The following TOPBP1 variants were observed in gnomAD, a reference collection of about 807,000 sequenced individuals.
The protein encoded by TOPBP1 is DNA topoisomerase 2-binding protein 1.
TOPBP1 carries 28 observed loss-of-function variants against 167.7 expected under a neutral mutation model. That is an observed-to-expected ratio of 0.17 (90% CI 0.12 to 0.23). The LOEUF (loss-of-function observed/expected upper bound fraction) is 0.23. Among genes scored for constraint, TOPBP1 ranks in the 10% least tolerant of loss-of-function variants. TOPBP1 has a pLI of 1.00. For synonymous variants in TOPBP1, 598 were observed against 611.4 expected (o/e 0.98, Z 0.32); for missense variants, 1,554 against 1,809.6 (o/e 0.86, Z 2.56).
At position 133,635,999 on chromosome 3, in the gene TOPBP1, TA is replaced by T. The variant is rs952210828; in HGVS notation, c.2520+1876del. 7.0e-4 allele frequency among the ~76,000 whole-genome samples: 102 copies of T among 145,288 alleles called. 1 individual carries two copies. Among genetic ancestry groups the T allele is most frequent in the Middle Eastern group, 3.4e-3 (1 of 290 alleles). On this transcript the variant is annotated intron_variant, in intron 14 of 27. Transcript: ENST00000260810. ...AATCTAAATAAGGGTTAAAGAACAA[TA>T]AAAAAAAAACAGACTCAAAAGAATA...
chr3:133,608,517 G>A lies in TOPBP1; in HGVS notation c.4425+18C>T. On this transcript the variant is annotated intron_variant, in intron 27 of 27. Coordinates refer to ENST00000260810, the MANE Select transcript of TOPBP1 (RefSeq NM_007027.4). ...GTATCTCTGGTAATGAGGAGGTCAAGGATAGAATCTCACAAACCTGCATGA... is the reference window on the plus strand; with the variant it reads ...GTATCTCTGGTAATGAGGAGGTCAAAGATAGAATCTCACAAACCTGCATGA... The A allele has an allele frequency of 6.2e-7, 1 of 1,612,538 alleles. No individual in the cohort carries two copies. The highest frequency in any genetic ancestry group is 8.5e-7 in the Non-Finnish European group (1 of 1,179,244).
chr3:133,643,393 A>T (rs752050055), intron 11 of TOPBP1, 21 bp from the exon 12 acceptor site: 2 of 1,544,056 alleles, frequency 1.3e-6, no homozygotes, highest in Non-Finnish European at 8.7e-7. Flanking sequence ...CAAAAGAAAT[A>T]GTAAAGCCAA....
In TOPBP1 at chr3:133,617,301, A is replaced by G; in HGVS notation, c.3618T>C (p.Arg1206=). The change falls in exon 22 of 28, where the codon CGT becomes CGC. Residue 1206 remains arginine, a synonymous_variant. Transcript: ENST00000260810. The part of the protein sequence containing the change: ...KQAVCDPGNI[R]VTEAPKHPIS... ...TTGGGTGTTTGGGAGCTTCAGTCAC[A>G]CGTATGTTTCCAGGATCACAGACAG... 1 of 1,612,356 alleles carries G rather than the reference A, an allele frequency of 6.2e-7. No homozygotes were observed. The highest frequency in any genetic ancestry group is 1.1e-5 in the South Asian group (1 of 90,914).
intron 1 of TOPBP1, 96 bp from the exon 2 acceptor site, chr3:133,661,230 C>A: frequency 1.2e-6 from 1 of 857,392 alleles, no homozygotes; most frequent in South Asian, 2.2e-5. Flanking sequence ...ACAAGAATGC[C>A]TAAAGACAGA....
intron 21 of TOPBP1, 143 bp downstream of exon 21, chr3:133,618,070 G>T: frequency 2.9e-6 from 2 of 679,684 alleles, no homozygotes; most frequent in Non-Finnish European, 4.9e-6. Context: ...TCTGGCTCAA[G>T]TTTAAACCAA....
At chr3:133,626,210 A>G (rs1292193163) in intron 16 of TOPBP1, among the ~76,000 whole-genome samples, 1 of 152,246 alleles carries the variant, frequency 6.6e-6, no homozygotes, top group African/African-American at 2.4e-5. Flanking sequence ...CTGTATTCCA[A>G]TAAAACTTTA....
intron 27 of TOPBP1, among the ~76,000 whole-genome samples, chr3:133,605,310 C>G (rs1934453118): frequency 6.7e-6 from 1 of 149,264 alleles, no homozygotes; most frequent in Non-Finnish European, 1.5e-5. Flanking sequence ...GTTTGTGATG[C>G]CAGCAAAACG....
intron 12 of TOPBP1, among the ~76,000 whole-genome samples, chr3:133,640,879 A>AT (rs1935870614): frequency 6.6e-6 from 1 of 152,160 alleles, no homozygotes; most frequent in African/African-American, 2.4e-5. Flanking sequence ...TCCTCTCAAT[A>AT]TTTAAGTATA....
rs567553436 is a variant in TOPBP1 at position 133,603,767 on chromosome 3, G to C, written c.4426-2374C>G. On this transcript the variant is annotated intron_variant, in intron 27 of 27. Transcript: ENST00000260810. ...GCTGGAGATTTTAGTATCAGTAATT[G>C]ATATAACTAAACAAACAAAAAAACC... is the stretch of plus-strand genomic sequence containing the variant. Among the ~76,000 whole-genome samples, 5 of 150,044 alleles carry C rather than the reference G, an allele frequency of 3.3e-5. No homozygotes were observed. The East Asian group carries it at 7.8e-4, about 23-fold the overall frequency.
chr3:133,619,991 C>T (rs541162986), intron 20 of TOPBP1, among the ~76,000 whole-genome samples, 164 bp downstream of exon 20: 2 of 152,296 alleles, frequency 1.3e-5, no homozygotes, highest in Admixed American at 6.5e-5. Context: ...CATATAACCC[C>T]TTCACTAGTC....
chr3:133,643,082 T>C, intron 12 of TOPBP1, 118 bp downstream of exon 12: 1 of 961,636 alleles, frequency 1.0e-6, no homozygotes, highest in Non-Finnish European at 1.5e-6. Context: ...AGGAACCACA[T>C]AACACTCATA....
At chr3:133,630,065 C>A (rs1194794062) in intron 14 of TOPBP1, among the ~76,000 whole-genome samples, 1 of 151,952 alleles carries the variant, frequency 6.6e-6, no homozygotes, top group Non-Finnish European at 1.5e-5. Flanking sequence ...GGATAACAGG[C>A]GTGAGCCACC....
intron 10 of TOPBP1, among the ~76,000 whole-genome samples, chr3:133,646,721 T>C (rs1314828721): frequency 6.6e-5 from 10 of 151,756 alleles, no homozygotes; most frequent in Non-Finnish European, 1.5e-5. Context: ...TTTCCTGATG[T>C]GATACAATAC....
intron 8 of TOPBP1, among the ~76,000 whole-genome samples, chr3:133,651,919 G>T (rs1936320781): frequency 6.6e-6 from 1 of 152,076 alleles, no homozygotes; most frequent in Non-Finnish European, 1.5e-5. Context: ...TAAACACTTG[G>T]ATGATAGTTT....
intron 27 of TOPBP1, among the ~76,000 whole-genome samples, chr3:133,606,181 T>G (rs1934487105): frequency 6.6e-6 from 1 of 152,124 alleles, no homozygotes; most frequent in African/African-American, 2.4e-5. Context: ...GAGTGAGACC[T>G]TGCCTCAAAA....
In TOPBP1 at chr3:133,649,492, T is replaced by A; in HGVS notation, c.1395A>T (p.Leu465Phe). The A allele has an allele frequency of 6.2e-7, 1 of 1,613,966 alleles. No individual in the cohort carries two copies. Among genetic ancestry groups the A allele is most frequent in the African/African-American group, 1.3e-5 (1 of 75,056 alleles). The change falls in exon 10 of 28, where the codon TTA becomes TTT. Residue 465 changes from leucine to phenylalanine, a missense_variant. Transcript: ENST00000260810. ...TAGAGAAGCTGCTGTTCTTCTTTTT[T>A]AAAAGAGCTGCTTTACTTTCAGGCT... ...SHKPESKAAL[L>F]KKKNSSFSKK...
At chr3:133,614,023 C>T (rs773265144) in intron 23 of TOPBP1, among the ~76,000 whole-genome samples, 5 of 151,838 alleles carry the variant, frequency 3.3e-5, no homozygotes, top group Non-Finnish European at 5.9e-5. Flanking sequence ...GAACTCCTGA[C>T]CTCATGATCT....
rs1423984879 is a variant in TOPBP1 at position 133,618,352 on chromosome 3, C to T, written c.3453G>A (p.Arg1151=). 1.2e-6 allele frequency: 2 copies of T among 1,613,944 alleles called. No homozygotes were observed. The highest frequency in any genetic ancestry group is 8.5e-7 in the Non-Finnish European group (1 of 1,179,862). The change falls in exon 21 of 28, where the codon AGG becomes AGA. Residue 1151 remains arginine (R), a synonymous_variant. Coordinates refer to ENST00000260810, the MANE Select transcript of TOPBP1 (RefSeq NM_007027.4). ...EQIIWDDPTA[R]EERARLASNL... is the part of the protein sequence containing the mutation. ...TGCTGGCAAGCCTTGCTCTCTCCTC[C>T]CTTGCTGTAGGGTCATCCCAAATGA...
intron 13 of TOPBP1, 44 bp downstream of exon 13, chr3:133,639,915 T>C: frequency 7.6e-6 from 12 of 1,569,474 alleles, no homozygotes; most frequent in Non-Finnish European, 1.0e-5. Context: ...CCAGAAACCA[T>C]CTAGTTGTAA....
Sources: allele counts gnomAD v4.1 joint callset (sites outside exome capture counted in the v4.1 genomes callset), GRCh38; gene constraint gnomAD v4.1.1; transcripts MANE v1.5; gene names NCBI Gene and HGNC (gene_info 2026-07-23, HGNC 2026-07-21).